The following ATP10A variants were observed in gnomAD, a reference collection of about 807,000 sequenced individuals.
The protein encoded by ATP10A is phospholipid-transporting ATPase VA.
ATP10A carries 111 observed loss-of-function variants against 147.8 expected under a neutral mutation model. The ratio of observed to expected loss-of-function variants is 0.75; its 90% CI spans 0.64 to 0.88. The LOEUF (loss-of-function observed/expected upper bound fraction) is 0.88. ATP10A is among the 40% of genes least tolerant of loss of function. The pLI is 0.00. For synonymous variants in ATP10A, 875 were observed against 841.6 expected, an observed-to-expected ratio of 1.04 and a Z score of -0.69; for missense variants, 1,927 against 1,959.0, an observed-to-expected ratio of 0.98 and a Z score of 0.31.
intron 13 of ATP10A, among the ~76,000 whole-genome samples, chr15:25,696,597 G>A (rs1460909857): frequency 6.6e-6 from 1 of 152,230 alleles, no homozygotes; most frequent in African/African-American, 2.4e-5. Flanking sequence ...CGGGAGAGGA[G>A]ACAAGTGTGC....
At chr15:25,779,969 G>A (rs914861549) in intron 2 of ATP10A, among the ~76,000 whole-genome samples, 2 of 152,148 alleles carry the variant, frequency 1.3e-5, no homozygotes, top group Non-Finnish European at 2.9e-5. Flanking sequence ...GGCGGGCGAG[G>A]TGCGGAGTAC....
chr15:25,817,600 C>G (rs1203403410), intron 1 of ATP10A, among the ~76,000 whole-genome samples: 1 of 152,196 alleles, frequency 6.6e-6, no homozygotes, highest in Non-Finnish European at 1.5e-5. Flanking sequence ...CAGAAAACAA[C>G]TGCTCAAATG....
intron 1 of ATP10A, among the ~76,000 whole-genome samples, chr15:25,796,801 T>G (rs1890691047): frequency 1.3e-5 from 2 of 152,244 alleles, no homozygotes; most frequent in South Asian, 4.1e-4. Context: ...CAGCCGTAAT[T>G]TGAGCTGGCC....
intron 14 of ATP10A, among the ~76,000 whole-genome samples, chr15:25,692,961 C>T (rs1255513597): frequency 2.6e-5 from 4 of 151,942 alleles, no homozygotes; most frequent in Non-Finnish European, 4.4e-5. Context: ...CCACCACACC[C>T]AGCCAGGTTT....
intron 16 of ATP10A, 62 bp from the exon 17 acceptor site, chr15:25,683,548 T>C (rs1044934806): frequency 4.7e-6 from 7 of 1,486,818 alleles, no homozygotes; most frequent in African/African-American, 2.8e-5. Context: ...AGGATTCTCA[T>C]CCGAGGGAGC....
chr15:25,809,695 C>T (rs1469236938), intron 1 of ATP10A, among the ~76,000 whole-genome samples: 1 of 118,162 alleles, frequency 8.5e-6, no homozygotes, highest in African/African-American at 2.7e-5. Flanking sequence ...TGCTGTTCCC[C>T]ACAGACGGGC....
chr15:25,777,226 C>T (rs1889659023), intron 2 of ATP10A, among the ~76,000 whole-genome samples: 1 of 152,074 alleles, frequency 6.6e-6, no homozygotes, highest in African/African-American at 2.4e-5. Flanking sequence ...CTGCAGGCAA[C>T]ATGGGCCCTC....
At chr15:25,767,353 G>A (rs539169556) in intron 2 of ATP10A, among the ~76,000 whole-genome samples, 33 of 152,282 alleles carry the variant, frequency 2.2e-4, no homozygotes, top group Non-Finnish European at 3.5e-4. Flanking sequence ...TGGAGGCTGC[G>A]CCACATCCCG....
At chr15:25,748,228 C>T (rs1887953389) in intron 2 of ATP10A, among the ~76,000 whole-genome samples, 2 of 152,150 alleles carry the variant, frequency 1.3e-5, no homozygotes, top group African/African-American at 4.8e-5. Context: ...TCCCAAAGTG[C>T]TGGGATTACA....
intron 1 of ATP10A, among the ~76,000 whole-genome samples, chr15:25,810,677 A>G (rs1214902419): frequency 6.6e-6 from 1 of 152,150 alleles, no homozygotes; most frequent in African/African-American, 2.4e-5. Flanking sequence ...ACGGTCTGAA[A>G]AACGAGCCAG....
chr15:25,849,061 C>T lies in ATP10A; in HGVS notation c.449+13587G>A, dbSNP rs12913560. Among the ~76,000 whole-genome samples the T allele has an allele frequency of 9.8e-3, 1,487 of 152,084 alleles. 9 individuals carry two copies. Among genetic ancestry groups the T allele is most frequent in the Non-Finnish European group, 0.016 (1,060 of 67,984 alleles). ...AGACCTTGGTGAGAGGAGGGAGAGT[C>T]TTTTCTGTGCCTTCCATGGGAAAGA... On this transcript the variant is annotated intron_variant, in intron 1 of 20. Coordinates refer to ENST00000555815, the MANE Select transcript of ATP10A (RefSeq NM_024490.4).
intron 1 of ATP10A, among the ~76,000 whole-genome samples, chr15:25,804,695 G>A (rs910215170): frequency 2.0e-5 from 3 of 152,172 alleles, no homozygotes; most frequent in Non-Finnish European, 2.9e-5. Context: ...AACCCAAGGC[G>A]TCTCATCTGT....
chr15:25,797,531 G>A (rs1182459691), intron 1 of ATP10A, among the ~76,000 whole-genome samples: 2 of 152,180 alleles, frequency 1.3e-5, no homozygotes, highest in East Asian at 3.9e-4. Flanking sequence ...TTTGTGCTAG[G>A]TTTTCTCTTA....
intron 1 of ATP10A, among the ~76,000 whole-genome samples, chr15:25,798,937 T>C (rs371347435): frequency 5.3e-5 from 8 of 152,006 alleles, no homozygotes; most frequent in Non-Finnish European, 7.4e-5. Flanking sequence ...GTGTCCCCTA[T>C]AGAAGAAACA....
At chr15:25,817,995 G>A (rs1596947856) in intron 1 of ATP10A, among the ~76,000 whole-genome samples, 1 of 137,584 alleles carries the variant, frequency 7.3e-6, no homozygotes, top group African/African-American at 3.1e-5. Flanking sequence ...CTGGTCAGAT[G>A]GTAGTGGGTT....
intron 2 of ATP10A, among the ~76,000 whole-genome samples, chr15:25,770,366 C>G (rs985852002): frequency 6.6e-6 from 1 of 152,208 alleles, no homozygotes; most frequent in African/African-American, 2.4e-5. Context: ...GCCCTGCGCC[C>G]CAACTGTTGG....
chr15:25,716,895 C>A lies in ATP10A; in HGVS notation c.1611G>T (p.Leu537=), dbSNP rs1901854068. 1.3e-6 allele frequency: 2 copies of A among 1,597,188 alleles called. No homozygotes were observed. Among genetic ancestry groups the A allele is most frequent in the Middle Eastern group, 1.7e-4 (1 of 6,030 alleles). The part of the protein sequence containing the change: ...MEKDITPDPK[L]LEKVSECDKS... ...TGTCACACTCACTCACCTTCTCCAG[C>A]AGCTTTGGGTCGGGCGTGATATCCT... Residue 537 remains leucine (L), a synonymous_variant, in exon 9 of 21, where the codon CTG becomes CTT. Transcript: ENST00000555815.
chr15:25,771,711 C>G (rs4906768), intron 2 of ATP10A, among the ~76,000 whole-genome samples: 116,714 of 151,942 alleles, frequency 0.77, 44,911 homozygotes, highest in South Asian at 0.8. Context: ...GCCTCCTCCT[C>G]CTTTAAGGAA....
chr15:25,861,539 G>A (rs991316702), intron 1 of ATP10A, among the ~76,000 whole-genome samples: 1 of 152,178 alleles, frequency 6.6e-6, no homozygotes, highest in Non-Finnish European at 1.5e-5. Flanking sequence ...GAGTGCCTGT[G>A]TCTAAGGCAT....
Sources: allele counts gnomAD v4.1 joint callset (sites outside exome capture counted in the v4.1 genomes callset), GRCh38; gene constraint gnomAD v4.1.1; transcripts MANE v1.5; gene names NCBI Gene and HGNC (gene_info 2026-07-23, HGNC 2026-07-21).